ITK: variants seen among roughly 807,000 people sequenced by gnomAD.
ITK encodes the protein IL2 inducible T cell kinase, also known as tyrosine-protein kinase ITK/TSK.
In ITK, 45 loss-of-function variants were observed where a neutral mutation model predicts 87.6. That is an observed-to-expected ratio of 0.51 (90% CI 0.40 to 0.66). ITK has a LOEUF of 0.66. Among genes scored for constraint, ITK ranks in the 30% least tolerant of loss-of-function variants. The probability of loss-of-function intolerance (pLI) is 0.00; values close to 1 mark genes in which losing one functional copy is unlikely to be tolerated. For missense variants in ITK, 605 were observed against 766.3 expected (o/e 0.79, Z 2.48); for synonymous variants, 303 against 273.6 (o/e 1.11, Z -1.06).
chr5:157,209,029 G>A (rs762401050), intron 2 of ITK, 36 bp downstream of exon 2: 5 of 1,381,786 alleles, frequency 3.6e-6, no homozygotes, highest in Non-Finnish European at 5.2e-6. Context: ...CCATTCCCTG[G>A]ACTGTGGTTA....
chr5:157,222,189 T>C (rs1051301116), intron 5 of ITK, among the ~76,000 whole-genome samples: 5 of 152,166 alleles, frequency 3.3e-5, no homozygotes, highest in African/African-American at 1.2e-4. Context: ...TGCTAACCCA[T>C]AGCAGGCGTG....
intron 1 of ITK, among the ~76,000 whole-genome samples, chr5:157,206,696 G>A (rs1344223297): frequency 6.6e-6 from 1 of 152,184 alleles, no homozygotes; most frequent in Non-Finnish European, 1.5e-5. Context: ...AGTAGTCTCT[G>A]ATTATTTGTA....
rs765046607 is a variant in ITK at position 157,228,367 on chromosome 5, A to T, written c.713+6A>T. ...AATAATCTGGAAACCTATGAGTAAG[A>T]TATTTTATTTGTTTTTGGAAAATAC... On this transcript the variant is annotated splice_donor_region_variant and intron_variant, in intron 7 of 16. Transcript: ENST00000422843. 1.0e-5 allele frequency: 16 copies of T among 1,550,342 alleles called. No individual in the cohort carries two copies. The highest frequency in any genetic ancestry group is 8.3e-5 in the Admixed American group (5 of 59,896).
chr5:157,185,873 T>C (rs1753633021), intron 1 of ITK, among the ~76,000 whole-genome samples: 1 of 152,108 alleles, frequency 6.6e-6, no homozygotes, highest in South Asian at 2.1e-4. Flanking sequence ...TAAACATTCC[T>C]TCATGATCTT....
chr5:157,243,870 C>T (rs541620250), intron 12 of ITK, 76 bp downstream of exon 12: 44 of 1,365,798 alleles, frequency 3.2e-5, no homozygotes, highest in South Asian at 1.2e-4. Context: ...GCCATTCAAA[C>T]GCCAGGGGGT....
At chr5:157,228,483 C>T (rs2113764594) in intron 7 of ITK, 122 bp downstream of exon 7, 4 of 700,482 alleles carry the variant, frequency 5.7e-6, no homozygotes, top group East Asian at 5.4e-5. Flanking sequence ...AATGTTCACA[C>T]ATACCATCCA....
At chr5:157,190,135 T>C (rs1374735774) in intron 1 of ITK, among the ~76,000 whole-genome samples, 1 of 152,234 alleles carries the variant, frequency 6.6e-6, no homozygotes, top group Admixed American at 6.5e-5. Flanking sequence ...CAGGTTCTTA[T>C]GTCTTATGTT....
chr5:157,187,914 C>T (rs901277602), intron 1 of ITK, among the ~76,000 whole-genome samples: 2 of 151,970 alleles, frequency 1.3e-5, no homozygotes, highest in Admixed American at 1.3e-4. Flanking sequence ...ATCCTTCTGC[C>T]TCAACCTCCT....
chr5:157,236,073 C>A (rs1370607989), intron 8 of ITK, among the ~76,000 whole-genome samples: 1 of 152,146 alleles, frequency 6.6e-6, no homozygotes, highest in Non-Finnish European at 1.5e-5. Context: ...AGTTACTCAT[C>A]TTTATAAGTT....
intron 1 of ITK, among the ~76,000 whole-genome samples, chr5:157,198,555 A>G (rs752873427): frequency 1.3e-4 from 20 of 152,290 alleles, no homozygotes; most frequent in Admixed American, 2.6e-4. Context: ...GGGATGGATC[A>G]GTTTCCTGGC....
At chr5:157,219,861 G>T (rs1754378553) in intron 5 of ITK, among the ~76,000 whole-genome samples, 1 of 152,236 alleles carries the variant, frequency 6.6e-6, no homozygotes, top group African/African-American at 2.4e-5. Flanking sequence ...GAAGGTGAAA[G>T]CCAGAAAACA....
At chr5:157,186,847 C>T (rs967929601) in intron 1 of ITK, among the ~76,000 whole-genome samples, 1 of 152,196 alleles carries the variant, frequency 6.6e-6, no homozygotes, top group Non-Finnish European at 1.5e-5. Context: ...ACCCGCTTCA[C>T]CCCTGCCTGC....
At chr5:157,182,929 G>T (rs1454164255) in intron 1 of ITK, among the ~76,000 whole-genome samples, 1 of 152,078 alleles carries the variant, frequency 6.6e-6, no homozygotes, top group Non-Finnish European at 1.5e-5. Flanking sequence ...ATGTAGACAA[G>T]GTTGTAAAAT....
chr5:157,249,765 G>A (rs1755105161), intron 16 of ITK, among the ~76,000 whole-genome samples: 1 of 152,092 alleles, frequency 6.6e-6, no homozygotes, highest in South Asian at 2.1e-4. Flanking sequence ...ATAATGCTTG[G>A]TCTGTGAGTT....
intron 8 of ITK, among the ~76,000 whole-genome samples, chr5:157,233,932 CATATATAT>C (rs201838461): frequency 0.01 from 222 of 21,530 alleles, 5 homozygotes; most frequent in African/African-American, 0.036. Context: ...CTTACTGATA[CATATATAT>C]ATATATATAT....
At chr5:157,238,712 C>T (rs376207852) in intron 9 of ITK, among the ~76,000 whole-genome samples, 3 of 152,152 alleles carry the variant, frequency 2.0e-5, no homozygotes, top group East Asian at 1.9e-4. Context: ...TCCCTATGGC[C>T]GTGGGTCTGA....
chr5:157,227,955 C>A (rs926053179), intron 6 of ITK, among the ~76,000 whole-genome samples: 1 of 151,474 alleles, frequency 6.6e-6, no homozygotes, highest in Non-Finnish European at 1.5e-5. Flanking sequence ...CTCAGCCTCC[C>A]GAGTAGCTGG....
Position 157,241,678 on chromosome 5 carries a change from T to C in ITK, c.1018T>C (p.Phe340Leu). 6.2e-7 allele frequency: 1 copy of C among 1,614,028 alleles called. No homozygotes were observed. Among genetic ancestry groups the C allele is most frequent in the Non-Finnish European group, 8.5e-7 (1 of 1,179,938 alleles). ...GACTCGACTCCGGTATCCAGTTTGT[T>C]TTGGGAGGCAGAAAGCCCCAGTTAC... The part of the protein sequence containing the change: ...LVTRLRYPVC[F>L]GRQKAPVTAG... The change falls in exon 11 of 17, where the codon TTT (phenylalanine) becomes CTT (leucine). Residue 340 changes from phenylalanine (F) to leucine (L), a missense_variant. By Grantham distance (22) the Phe-to-Leu change is conservative. Transcript: ENST00000422843.
At chr5:157,222,530 T>A (rs1355849162) in intron 5 of ITK, among the ~76,000 whole-genome samples, 2 of 152,198 alleles carry the variant, frequency 1.3e-5, no homozygotes, top group Admixed American at 1.3e-4. Flanking sequence ...ACTGAAAGAT[T>A]TCATGTTGAC....
Sources: gnomAD v4.1 joint callset for allele counts (sites outside exome capture counted in the v4.1 genomes callset) on GRCh38, gnomAD v4.1.1 for gene constraint, MANE v1.5 for transcripts, NCBI Gene and HGNC (gene_info 2026-07-23, HGNC 2026-07-21) for gene names.